SQOR: variants seen among roughly 807,000 people sequenced by gnomAD.
SQOR encodes sulfide quinone oxidoreductase, also known as sulfide:quinone oxidoreductase, mitochondrial.
A neutral mutation model predicts 48.6 loss-of-function variants in SQOR; 39 were observed. That is an observed-to-expected ratio of 0.80 (90% CI 0.62 to 1.05). The LOEUF (loss-of-function observed/expected upper bound fraction) is 1.05, where lower values mean the gene tolerates loss of function less well. SQOR is among the 50% of genes least tolerant of loss of function. The pLI is 0.00. For missense variants in SQOR, 561 were observed against 559.9 expected (o/e 1.00, Z -0.02); for synonymous variants, 220 against 206.2 (o/e 1.07, Z -0.57).
chr15:45,683,973 G>T (rs1030464566), intron 7 of SQOR, among the ~76,000 whole-genome samples: 1 of 151,788 alleles, frequency 6.6e-6, no homozygotes, highest in Non-Finnish European at 1.5e-5. Context: ...GTGCAGTGGC[G>T]CACTCTCAGC....
chr15:45,634,274 G>T (rs1400950599), upstream of SQOR, among the ~76,000 whole-genome samples: 1 of 137,452 alleles, frequency 7.3e-6, no homozygotes, highest in African/African-American at 2.7e-5. Context: ...AAACTTTCAA[G>T]GGTTTATTTT....
chr15:45,674,462 T>C (rs977698345), intron 5 of SQOR, among the ~76,000 whole-genome samples: 1 of 151,784 alleles, frequency 6.6e-6, no homozygotes, highest in Non-Finnish European at 1.5e-5. Context: ...AAAAGTCTAC[T>C]GGAGAGATAT....
At chr15:45,657,251 CG>C (rs1485435017) in intron 1 of SQOR, among the ~76,000 whole-genome samples, 1 of 137,630 alleles carries the variant, frequency 7.3e-6, no homozygotes, top group Non-Finnish European at 1.5e-5. Context: ...TTCCCTGGCC[CG>C]TGTGGAGCCT....
At chr15:45,637,727 C>G (rs537759198) in intron 1 of SQOR, among the ~76,000 whole-genome samples, 1 of 152,270 alleles carries the variant, frequency 6.6e-6, no homozygotes, top group African/African-American at 2.4e-5. Flanking sequence ...AACCGGATTC[C>G]TTTGCAGAAC....
chr15:45,665,288 C>T (rs1433120021), intron 3 of SQOR, among the ~76,000 whole-genome samples: 1 of 152,146 alleles, frequency 6.6e-6, no homozygotes, highest in Non-Finnish European at 1.5e-5. Context: ...GACTTTCTTC[C>T]AAGATTTTAT....
chr15:45,637,356 G>C (rs925888734), intron 1 of SQOR, among the ~76,000 whole-genome samples: 1 of 152,150 alleles, frequency 6.6e-6, no homozygotes, highest in Non-Finnish European at 1.5e-5. Flanking sequence ...AAGGCACCCA[G>C]CACTGCACTT....
intron 6 of SQOR, among the ~76,000 whole-genome samples, chr15:45,678,654 C>A (rs16946938): frequency 1.3e-5 from 2 of 151,914 alleles, no homozygotes; most frequent in Admixed American, 1.3e-4. Flanking sequence ...TGAATAGCTC[C>A]TGTGTAGTTA....
intron 1 of SQOR, among the ~76,000 whole-genome samples, chr15:45,657,092 A>G (rs940953452): frequency 8.9e-6 from 1 of 111,814 alleles, no homozygotes; most frequent in Non-Finnish European, 1.9e-5. Flanking sequence ...ACCGGTGTGA[A>G]CCACCACGCC....
intron 3 of SQOR, among the ~76,000 whole-genome samples, chr15:45,664,706 T>C (rs1174642230): frequency 6.6e-6 from 1 of 152,176 alleles, no homozygotes; most frequent in South Asian, 2.1e-4. Flanking sequence ...TGCAAATTGC[T>C]GGGCCCTTTT....
intron 6 of SQOR, among the ~76,000 whole-genome samples, chr15:45,681,325 A>T (rs753898776): frequency 1.4e-4 from 21 of 152,226 alleles, no homozygotes; most frequent in Admixed American, 3.3e-4. Flanking sequence ...TCATGAACAG[A>T]CCTGACCTCA....
At chr15:45,647,831 C>T (rs1206203657) in intron 1 of SQOR, among the ~76,000 whole-genome samples, 2 of 152,068 alleles carry the variant, frequency 1.3e-5, no homozygotes, top group Non-Finnish European at 2.9e-5. Context: ...GCACAAGAAT[C>T]GCTTAAGCCC....
chr15:45,635,359 G>A (rs1021377323), intron 1 of SQOR, among the ~76,000 whole-genome samples: 4 of 152,222 alleles, frequency 2.6e-5, no homozygotes, highest in African/African-American at 9.6e-5. Flanking sequence ...TCAGGGCCGC[G>A]GAGAGGCCAA....
chr15:45,690,606 G>C (rs1237476531), intron 9 of SQOR, among the ~76,000 whole-genome samples: 1 of 152,178 alleles, frequency 6.6e-6, no homozygotes, highest in Non-Finnish European at 1.5e-5. Flanking sequence ...TGCCAGGTCA[G>C]CCCCCAACAG....
chr15:45,679,486 G>A (rs1455762000), intron 6 of SQOR, among the ~76,000 whole-genome samples: 2 of 152,088 alleles, frequency 1.3e-5, no homozygotes, highest in Admixed American at 6.5e-5. Context: ...GGTGGATCAC[G>A]AAGTCAGGAG....
Position 45,691,278 on chromosome 15 carries a change from C to T in SQOR, c.*248C>T. ...TTATTTTCTGAATAAAAGTTTGTCACTGATTGTGTTCTATGAGAAAATTTT... is the reference window on the plus strand; with the variant it reads ...TTATTTTCTGAATAAAAGTTTGTCATTGATTGTGTTCTATGAGAAAATTTT... On this transcript the variant is annotated 3_prime_UTR_variant, in exon 10 of 10. Transcript: ENST00000260324. 2.1e-6 allele frequency: 1 copy of T among 484,966 alleles called. No individual in the cohort carries two copies. Among genetic ancestry groups the T allele is most frequent in the Non-Finnish European group, 3.6e-6 (1 of 274,318 alleles). 30.0% of individuals were successfully genotyped at this position (484,966 alleles called of 1,614,324 possible).
Position 45,690,966 on chromosome 15 carries a change from C to T in SQOR, c.1296-7C>T. On this transcript the variant is annotated splice_region_variant and splice_polypyrimidine_tract_variant and intron_variant, in intron 9 of 9. Transcript: ENST00000260324. ...GCAGGTACATTTTTTTGTGTTATTT[C>T]TTACAGGGGTTACTGGGGAGGACCA... 1 of 1,613,990 alleles carries T rather than the reference C, an allele frequency of 6.2e-7. No individual in the cohort carries two copies. Among genetic ancestry groups the T allele is most frequent in the Non-Finnish European group, 8.5e-7 (1 of 1,179,884 alleles).
At chr15:45,634,383 A>G (rs923919627), upstream of SQOR, among the ~76,000 whole-genome samples, 1 of 151,714 alleles carries the variant, frequency 6.6e-6, no homozygotes, top group Non-Finnish European at 1.5e-5. Context: ...TGAATCTGAT[A>G]TGGTGGAGAA....
intron 6 of SQOR, 27 bp downstream of exon 6, chr15:45,676,337 A>C (rs12914266): frequency 0.81 from 1,304,687 of 1,610,330 alleles, 531,351 homozygotes; most frequent in South Asian, 0.89. Context: ...AGCTGTCAGC[A>C]TGAAGCGTTG....
intron 7 of SQOR, among the ~76,000 whole-genome samples, chr15:45,684,443 C>G (rs540878950): frequency 3.9e-5 from 6 of 152,188 alleles, no homozygotes; most frequent in African/African-American, 7.2e-5. Context: ...TGTCTAGTTG[C>G]TTTCTTACGG....
Sources: gnomAD v4.1 joint callset for allele counts (sites outside exome capture counted in the v4.1 genomes callset) on GRCh38, gnomAD v4.1.1 for gene constraint, MANE v1.5 for transcripts, NCBI Gene and HGNC (gene_info 2026-07-23, HGNC 2026-07-21) for gene names.